PSMB9: variants seen among roughly 807,000 people sequenced by gnomAD.
PSMB9 encodes the protein proteasome subunit beta type-9.
In PSMB9, 16 loss-of-function variants were observed where a neutral mutation model predicts 26.9. That is an observed-to-expected ratio of 0.59 (90% CI 0.40 to 0.90). The LOEUF (loss-of-function observed/expected upper bound fraction) is 0.90, where lower values mean the gene tolerates loss of function less well. Among genes scored for constraint, PSMB9 ranks in the 40% least tolerant of loss-of-function variants. The probability of loss-of-function intolerance (pLI) is 0.00; values close to 1 mark genes in which losing one functional copy is unlikely to be tolerated. For missense variants in PSMB9, 253 were observed against 292.2 expected, an observed-to-expected ratio of 0.87 and a Z score of 0.98; for synonymous variants, 91 against 112.0, an observed-to-expected ratio of 0.81 and a Z score of 1.18.
At chr6:32,856,271 A>G in intron 2 of PSMB9, 66 bp downstream of exon 2, 1 of 1,500,370 alleles carries the variant, frequency 6.7e-7, no homozygotes, top group Non-Finnish European at 9.2e-7. Context: ...CACTTTCCTT[A>G]CCCATTCATG....
intron 1 of PSMB9, 175 bp from the exon 2 acceptor site, chr6:32,855,963 T>C (rs1341897564): frequency 6.7e-6 from 4 of 596,468 alleles, no homozygotes; most frequent in East Asian, 2.8e-5. Context: ...GATGAAGCAA[T>C]AGAGAAAGTG....
chr6:32,855,928 G>A (rs991149347), intron 1 of PSMB9, among the ~76,000 whole-genome samples: 1 of 152,150 alleles, frequency 6.6e-6, no homozygotes, highest in African/African-American at 2.4e-5. Flanking sequence ...TATCACAGCT[G>A]GGCTGTGGCA....
Position 32,858,231 on chromosome 6 carries a change from A to T in PSMB9, c.390+97A>T. The T allele has an allele frequency of 6.3e-7, 1 of 1,594,898 alleles. No individual in the cohort carries two copies. The highest frequency in any genetic ancestry group is 1.1e-5 in the South Asian group (1 of 89,052). ...GTCATTCTAGCAATGAGTTCCAAGG[A>T]CACTACCTCTGAAAGCATAGTACTT... On this transcript the variant is annotated intron_variant, in intron 4 of 5. Transcript: ENST00000374859. This position sits in a 1 kb window ranked among gnomAD's most constrained non-coding sequence, Gnocchi z 5.2.
chr6:32,857,017 T>A (rs774265859), intron 2 of PSMB9: 8 of 306,364 alleles, frequency 2.6e-5, no homozygotes, highest in Non-Finnish European at 4.8e-5. Flanking sequence ...CTGGCCAACA[T>A]GTTGGGACCT....
rs1336573327 is a variant in PSMB9, at chr6:32,854,224, G to A, written c.-6G>A. 6 of 1,545,640 alleles carry A rather than the reference G, an allele frequency of 3.9e-6. No homozygotes were observed. The highest frequency in any genetic ancestry group is 5.2e-6 in the Non-Finnish European group (6 of 1,146,334). On this transcript the variant is annotated 5_prime_UTR_variant, in exon 1 of 6. Coordinates refer to ENST00000374859, the MANE Select transcript of PSMB9 (RefSeq NM_002800.5). The surrounding 1 kb of genome is among the most constrained non-coding windows in gnomAD (Gnocchi z 4.6). Reference sequence around the variant, plus strand: ...CAGGCGGCGAGGAGAGCGGTGCCTTGCAGGGATGCTGCGGGCGGGAGCACC... The same window carrying A: ...CAGGCGGCGAGGAGAGCGGTGCCTTACAGGGATGCTGCGGGCGGGAGCACC...
In PSMB9 at chr6:32,854,656, G is replaced by T. The variant is rs992346725; in HGVS notation, c.60+367G>T. ...GGATGGTGCAAAGAGATGAGGAAAT[G>T]GTGCCCTGGGTGAAGTAGAACAGCA... On this transcript the variant is annotated intron_variant, in intron 1 of 5. Coordinates refer to ENST00000374859, the MANE Select transcript of PSMB9 (RefSeq NM_002800.5). The surrounding 1 kb of genome is among the most constrained non-coding windows in gnomAD (Gnocchi z 4.6). Among the ~76,000 whole-genome samples the T allele has an allele frequency of 6.6e-6, 1 of 152,154 alleles. No individual in the cohort carries two copies. Among genetic ancestry groups the T allele is most frequent in the Non-Finnish European group, 1.5e-5 (1 of 68,024 alleles).
Position 32,854,219 on chromosome 6 carries a change from G to T in PSMB9, c.-11G>T, listed in dbSNP as rs749253062. ...TGCCCCAGGCGGCGAGGAGAGCGGT[G>T]CCTTGCAGGGATGCTGCGGGCGGGA... On this transcript the variant is annotated 5_prime_UTR_variant, in exon 1 of 6. Coordinates refer to ENST00000374859, the MANE Select transcript of PSMB9 (RefSeq NM_002800.5). This position sits in a 1 kb window ranked among gnomAD's most constrained non-coding sequence, Gnocchi z 4.6. 7 of 1,546,122 alleles carry T rather than the reference G, an allele frequency of 4.5e-6. No homozygotes were observed. Among genetic ancestry groups the T allele is most frequent in the Non-Finnish European group, 6.1e-6 (7 of 1,146,426 alleles).
chr6:32,857,868 G>C, intron 3 of PSMB9, 137 bp from the exon 4 acceptor site: 1 of 979,554 alleles, frequency 1.0e-6, no homozygotes, highest in South Asian at 1.6e-5. Flanking sequence ...TGGTTCCCCT[G>C]TACATGTGGG....
At position 32,856,193 on chromosome 6, in the gene PSMB9, G is replaced by A. The variant is rs767068530; in HGVS notation, c.116G>A (p.Arg39Gln). 27 of 1,612,676 alleles carry A rather than the reference G, an allele frequency of 1.7e-5. No homozygotes were observed. The highest frequency in any genetic ancestry group is 8.0e-5 in the African/African-American group (6 of 74,902). The change falls in exon 2 of 6, where the codon CGA (arginine) becomes CAA (glutamine). Residue 39 changes from arginine to glutamine, a missense_variant. Transcript: ENST00000374859. Reference sequence around the variant, plus strand: ...GGCGTTGTGATGGGTTCTGATTCCCGAGTGTCTGCAGGGTGAGTAAAAGTG... The same window carrying A: ...GGCGTTGTGATGGGTTCTGATTCCCAAGTGTCTGCAGGGTGAGTAAAAGTG... The part of the protein sequence containing the change: ...DGGVVMGSDS[R>Q]VSAGEAVVNR...
intron 1 of PSMB9, among the ~76,000 whole-genome samples, chr6:32,855,463 C>T (rs1294031497): frequency 6.6e-6 from 1 of 152,156 alleles, no homozygotes; most frequent in East Asian, 1.9e-4. Flanking sequence ...CAAATTATCT[C>T]TTGGTACAAA....
In PSMB9 at chr6:32,854,205, G is replaced by A. The variant is rs1441467317; in HGVS notation, c.-25G>A. ...AGGTTGGAAACCAGTGCCCCAGGCG[G>A]CGAGGAGAGCGGTGCCTTGCAGGGA... is the stretch of plus-strand genomic sequence containing the variant. On this transcript the variant is annotated 5_prime_UTR_variant, in exon 1 of 6. Coordinates refer to ENST00000374859, the MANE Select transcript of PSMB9 (RefSeq NM_002800.5). The surrounding 1 kb of genome is among the most constrained non-coding windows in gnomAD (Gnocchi z 4.6). 1 of 1,545,930 alleles carries A rather than the reference G, an allele frequency of 6.5e-7. No homozygotes were observed. Among genetic ancestry groups the A allele is most frequent in the Non-Finnish European group, 8.7e-7 (1 of 1,145,876 alleles).
At position 32,854,436 on chromosome 6, in the gene PSMB9, A is replaced by G; in HGVS notation, c.60+147A>G. On this transcript the variant is annotated intron_variant, in intron 1 of 5. Coordinates refer to ENST00000374859, the MANE Select transcript of PSMB9 (RefSeq NM_002800.5). This position sits in a 1 kb window ranked among gnomAD's most constrained non-coding sequence, Gnocchi z 4.6. ...TAGCAGCCAGCGCTTGCAACCCGCA[A>G]TGAGCATAGAGTATTTCTTTTCTGA... The G allele has an allele frequency of 2.9e-6, 2 of 698,104 alleles. No homozygotes were observed. The highest frequency in any genetic ancestry group is 5.9e-4 in the Middle Eastern group (2 of 3,364). 43.2% of individuals were successfully genotyped at this position (698,104 alleles called of 1,614,324 possible).
intron 5 of PSMB9, among the ~76,000 whole-genome samples, 176 bp from the exon 6 acceptor site, chr6:32,859,229 T>C (rs1771326945): frequency 6.6e-6 from 1 of 152,178 alleles, no homozygotes; most frequent in Admixed American, 6.5e-5. Context: ...AGATGCCACA[T>C]ATGGAAGCCT....
At chr6:32,855,576 C>T (rs570535577) in intron 1 of PSMB9, among the ~76,000 whole-genome samples, 2 of 152,286 alleles carry the variant, frequency 1.3e-5, no homozygotes, top group East Asian at 1.9e-4. Flanking sequence ...TGCTGCTTCT[C>T]TCCTGCCTTG....
chr6:32,858,172 C>G lies in PSMB9; in HGVS notation c.390+38C>G, dbSNP rs765248832. 1 of 1,611,550 alleles carries G rather than the reference C, an allele frequency of 6.2e-7. No individual in the cohort carries two copies. Among genetic ancestry groups the G allele is most frequent in the South Asian group, 1.1e-5 (1 of 90,918 alleles). ...CAAAGCACTCTCTCCTCTGGGCTTCCCCACTCTCCTGCAGAGGAAGATGGA... is the reference window on the plus strand; with the variant it reads ...CAAAGCACTCTCTCCTCTGGGCTTCGCCACTCTCCTGCAGAGGAAGATGGA... On this transcript the variant is annotated intron_variant, in intron 4 of 5. Coordinates refer to ENST00000374859, the MANE Select transcript of PSMB9 (RefSeq NM_002800.5). The surrounding 1 kb of genome is among the most constrained non-coding windows in gnomAD (Gnocchi z 5.2).
Position 32,859,550 on chromosome 6 carries a change from CTT to C in PSMB9, c.*20_*21del. On this transcript the variant is annotated 3_prime_UTR_variant, in exon 6 of 6. Coordinates refer to ENST00000374859, the MANE Select transcript of PSMB9 (RefSeq NM_002800.5). ...ATGAGTGAACCTTCCCCAGACTTCT[CTT>C]TCTTATTTTGTAATAAACTCTCTAG... is the stretch of plus-strand genomic sequence containing the variant. 1 of 1,611,440 alleles carries C rather than the reference CTT, an allele frequency of 6.2e-7. No individual in the cohort carries two copies. The highest frequency in any genetic ancestry group is 8.5e-7 in the Non-Finnish European group (1 of 1,178,912).
intron 1 of PSMB9, among the ~76,000 whole-genome samples, chr6:32,855,881 CA>C (rs1478860994): frequency 6.6e-6 from 1 of 152,142 alleles, no homozygotes; most frequent in Non-Finnish European, 1.5e-5. Flanking sequence ...TTCCACTAGG[CA>C]AGTTGGAACT....
chr6:32,858,904 G>T lies in PSMB9; in HGVS notation c.532+399G>T, dbSNP rs919506299. Reference sequence around the variant, plus strand: ...AATAAAAAAAAGTAAAAAAAAAAATGAACTGGGCATAGTGGTGCACACCTG... The same window carrying T: ...AATAAAAAAAAGTAAAAAAAAAAATTAACTGGGCATAGTGGTGCACACCTG... On this transcript the variant is annotated intron_variant, in intron 5 of 5. Transcript: ENST00000374859. The surrounding 1 kb of genome is among the most constrained non-coding windows in gnomAD (Gnocchi z 5.2). 2 of 321,892 alleles carry T rather than the reference G, an allele frequency of 6.2e-6. No homozygotes were observed. The highest frequency in any genetic ancestry group is 4.6e-5 in the Admixed American group (1 of 21,548). 19.9% of individuals were successfully genotyped at this position (321,892 alleles called of 1,614,324 possible). A position where few individuals can be genotyped will look rare whatever the true frequency, so the allele number is the denominator to read the frequency against.
Position 32,858,392 on chromosome 6 carries a change from C to G in PSMB9, c.419C>G (p.Thr140Ser). ...TATGGAACCCTGGGAGGAATGCTGA[C>G]TCGACAGCCTTTTGCCATTGGTGGC... is the stretch of plus-strand genomic sequence containing the variant. ...QVYGTLGGMLTRQPFAIGGSG... is the reference protein window; with the variant it reads ...QVYGTLGGMLSRQPFAIGGSG... Residue 140 changes from threonine (T) to serine (S), a missense_variant, in exon 5 of 6, where the codon ACT becomes AGT. Coordinates refer to ENST00000374859, the MANE Select transcript of PSMB9 (RefSeq NM_002800.5). This position sits in a 1 kb window ranked among gnomAD's most constrained non-coding sequence, Gnocchi z 5.2. 2.5e-6 allele frequency: 4 copies of G among 1,612,948 alleles called. No homozygotes were observed. In the South Asian group the frequency reaches 4.4e-5, roughly 18 times the overall value.
Sources: allele counts gnomAD v4.1 joint callset (sites outside exome capture counted in the v4.1 genomes callset), GRCh38; gene constraint gnomAD v4.1.1; non-coding constraint Gnocchi (gnomAD v3.1); transcripts MANE v1.5; gene names NCBI Gene and HGNC (gene_info 2026-07-23, HGNC 2026-07-21).